Variants in ENTPD4 observed in about 807,000 individuals in gnomAD.
The protein encoded by ENTPD4 is ectonucleoside triphosphate diphosphohydrolase 4.
In ENTPD4, 60 loss-of-function variants were observed where a neutral mutation model predicts 79.1. The observed-to-expected ratio is 0.76, with a 90% CI of 0.62 to 0.94. The LOEUF is 0.94. Among genes scored for constraint, ENTPD4 ranks in the 40% least tolerant of loss-of-function variants. ENTPD4 has a pLI of 0.00. For missense variants in ENTPD4, 772 were observed against 775.1 expected, an observed-to-expected ratio of 1.00 and a Z score of 0.05; for synonymous variants, 276 against 292.0, an observed-to-expected ratio of 0.95 and a Z score of 0.56.
rs758870170 is a variant in ENTPD4, at chr8:23,448,854, G to A, written c.94C>T (p.Arg32Cys). Residue 32 changes from arginine (R) to cysteine (C), a missense_variant, in exon 3 of 13, where the codon CGC becomes TGC. By Grantham distance (180) the Arg-to-Cys change is radical (BLOSUM62 -3). Transcript: ENST00000358689. ...AGGACACTAATGACCATAATTTGGCGTAAATTGGTATTCAGAATTCGAGGA... is the reference window on the plus strand; with the variant it reads ...AGGACACTAATGACCATAATTTGGCATAAATTGGTATTCAGAATTCGAGGA... ...GCPRILNTNL[R>C]QIMVISVLAA... The A allele has an allele frequency of 3.2e-5, 52 of 1,613,848 alleles. No individual in the cohort carries two copies. Among genetic ancestry groups the A allele is most frequent in the South Asian group, 4.4e-5 (4 of 91,072 alleles).
chr8:23,430,743 C>G lies in ENTPD4; in HGVS notation c.*2183G>C. 1.0e-6 allele frequency: 1 copy of G among 985,538 alleles called. No homozygotes were observed. The highest frequency in any genetic ancestry group is 1.2e-6 in the Non-Finnish European group (1 of 830,064). The allele number at this position is 985,538 out of a possible 1,614,324, so 61.0% of individuals were successfully genotyped here. Reference sequence around the variant, plus strand: ...CGGGGTCCCCTAACTCCCTGGGTGCCCACCTGCCCACTTCAACCATTTGTG... The same window carrying G: ...CGGGGTCCCCTAACTCCCTGGGTGCGCACCTGCCCACTTCAACCATTTGTG... On this transcript the variant is annotated 3_prime_UTR_variant, in exon 13 of 13. Coordinates refer to ENST00000358689, the MANE Select transcript of ENTPD4 (RefSeq NM_004901.5).
At chr8:23,452,027 T>C (rs1800871110) in intron 1 of ENTPD4, among the ~76,000 whole-genome samples, 1 of 152,210 alleles carries the variant, frequency 6.6e-6, no homozygotes, top group Non-Finnish European at 1.5e-5. Context: ...ACAAGACAGA[T>C]ACTATTATCA....
At chr8:23,441,095 G>T (rs937729162) in intron 8 of ENTPD4, among the ~76,000 whole-genome samples, 5 of 152,200 alleles carry the variant, frequency 3.3e-5, no homozygotes, top group Non-Finnish European at 7.3e-5. Flanking sequence ...AACTGAGAGG[G>T]CACAGAACAG....
chr8:23,430,189 C>A lies in ENTPD4; in HGVS notation c.*2737G>T, dbSNP rs544962980. 2.0e-6 allele frequency: 2 copies of A among 985,458 alleles called. No individual in the cohort carries two copies. The highest frequency in any genetic ancestry group is 6.1e-5 in the Admixed American group (1 of 16,286). 61.0% of individuals were successfully genotyped at this position (985,458 alleles called of 1,614,324 possible). A position where few individuals can be genotyped will look rare whatever the true frequency, so the allele number is the denominator to read the frequency against. ...AAGCACCTGGCTGTCTTCACCTACG[C>A]GAGACCTTCTCTGGAATGTGATTTG... On this transcript the variant is annotated 3_prime_UTR_variant, in exon 13 of 13. Transcript: ENST00000358689.
intron 9 of ENTPD4, among the ~76,000 whole-genome samples, chr8:23,437,750 T>A (rs1800597557): frequency 6.6e-6 from 1 of 152,234 alleles, no homozygotes; most frequent in Non-Finnish European, 1.5e-5. Flanking sequence ...AGCAAACATC[T>A]AGAAGGATTT....
chr8:23,441,296 G>A (rs1800664090), intron 8 of ENTPD4: 4 of 362,362 alleles, frequency 1.1e-5, no homozygotes, highest in African/African-American at 2.2e-5. Flanking sequence ...TGATTGAAGA[G>A]AAAATATAAA....
At chr8:23,440,123 T>G in intron 8 of ENTPD4, 1 of 503,030 alleles carries the variant, frequency 2.0e-6, no homozygotes, top group East Asian at 3.2e-5. Context: ...GATACTGTTA[T>G]GACTTTTTGA....
At position 23,431,905 on chromosome 8, in the gene ENTPD4, G is replaced by T; in HGVS notation, c.*1021C>A. ...GCGTAATTACCTGCGGTCAGGAAAA[G>T]ATAACAGTAACGAGGATTTTTCTAA... On this transcript the variant is annotated 3_prime_UTR_variant, in exon 13 of 13. Transcript: ENST00000358689. 1 of 985,414 alleles carries T rather than the reference G, an allele frequency of 1.0e-6. No homozygotes were observed. The highest frequency in any genetic ancestry group is 1.2e-6 in the Non-Finnish European group (1 of 829,922). 61.0% of individuals were successfully genotyped at this position (985,414 alleles called of 1,614,324 possible).
chr8:23,439,725 G>C lies in ENTPD4; in HGVS notation c.1049+24C>G, dbSNP rs1800633791. The C allele has an allele frequency of 5.6e-6, 9 of 1,611,330 alleles. No homozygotes were observed. The East Asian group carries it at 1.8e-4, about 32-fold the overall frequency. ...GAGAGACCTAGGTTTGCAAATGACTGCCAAGTAGTGAAAGGTGCTTTACCT... is the reference window on the plus strand; with the variant it reads ...GAGAGACCTAGGTTTGCAAATGACTCCCAAGTAGTGAAAGGTGCTTTACCT... On this transcript the variant is annotated intron_variant, in intron 9 of 12. Transcript: ENST00000358689.
At chr8:23,437,387 C>T in intron 9 of ENTPD4, 129 bp from the exon 10 acceptor site, 3 of 654,568 alleles carry the variant, frequency 4.6e-6, no homozygotes, top group Non-Finnish European at 7.7e-6. Context: ...GTCTGTGGAA[C>T]AGAAAAGGGT....
chr8:23,449,052 G>A, intron 2 of ENTPD4, 113 bp from the exon 3 acceptor site: 1 of 764,244 alleles, frequency 1.3e-6, no homozygotes, highest in South Asian at 1.7e-5. Context: ...TTCCCTAACT[G>A]TAGGTATCTG....
intron 10 of ENTPD4, 54 bp from the exon 11 acceptor site, chr8:23,435,531 A>C: frequency 4.4e-6 from 6 of 1,356,220 alleles, no homozygotes; most frequent in Non-Finnish European, 6.3e-6. Context: ...TAAAATTCTC[A>C]CTTTAAAAAT....
At chr8:23,439,684 G>T in intron 9 of ENTPD4, 65 bp downstream of exon 9, 1 of 1,490,000 alleles carries the variant, frequency 6.7e-7, no homozygotes, top group Non-Finnish European at 9.3e-7. Context: ...CTTTGCCTGG[G>T]TCTGTTTTTT....
intron 12 of ENTPD4, among the ~76,000 whole-genome samples, chr8:23,433,757 AG>A (rs1361687180): frequency 6.6e-6 from 1 of 152,224 alleles, no homozygotes; most frequent in African/African-American, 2.4e-5. Context: ...CGAAAATCAC[AG>A]ATCTTTCATG....
At position 23,432,160 on chromosome 8, in the gene ENTPD4, C is replaced by G; in HGVS notation, c.*766G>C. The G allele has an allele frequency of 2.0e-6, 2 of 982,192 alleles. No homozygotes were observed. Among genetic ancestry groups the G allele is most frequent in the Non-Finnish European group, 2.4e-6 (2 of 828,290 alleles). 60.8% of individuals were successfully genotyped at this position (982,192 alleles called of 1,614,324 possible). A position where few individuals can be genotyped will look rare whatever the true frequency, so the allele number is the denominator to read the frequency against. ...AAACATATACAGTAACAGACCTGAA[C>G]AATAAATAAAAAAAAAAATCACCCT... On this transcript the variant is annotated 3_prime_UTR_variant, in exon 13 of 13. Transcript: ENST00000358689.
At chr8:23,435,358 A>C (rs1452844789) in intron 11 of ENTPD4, 34 bp downstream of exon 11, 1 of 1,508,332 alleles carries the variant, frequency 6.6e-7, no homozygotes. Flanking sequence ...TATGGTTCTT[A>C]AGAGTGCCCT....
Position 23,430,858 on chromosome 8 carries a change from C to G in ENTPD4, c.*2068G>C. The G allele has an allele frequency of 3.0e-6, 3 of 985,566 alleles. No individual in the cohort carries two copies. Among genetic ancestry groups the G allele is most frequent in the Non-Finnish European group, 3.6e-6 (3 of 830,028 alleles). 61.1% of individuals were successfully genotyped at this position (985,566 alleles called of 1,614,324 possible). On this transcript the variant is annotated 3_prime_UTR_variant, in exon 13 of 13. Coordinates refer to ENST00000358689, the MANE Select transcript of ENTPD4 (RefSeq NM_004901.5). ...CAGCCTCCACCAATAATCCATGGCTCCTCCAGGAAGTGTCGCAGGCAGGTG... is the reference window on the plus strand; with the variant it reads ...CAGCCTCCACCAATAATCCATGGCTGCTCCAGGAAGTGTCGCAGGCAGGTG...
intron 10 of ENTPD4, 135 bp from the exon 11 acceptor site, chr8:23,435,612 A>G (rs1399562648): frequency 3.0e-6 from 2 of 660,464 alleles, no homozygotes; most frequent in African/African-American, 3.6e-5. Flanking sequence ...AACTTATACA[A>G]CAAATGGCAA....
Position 23,435,382 on chromosome 8 carries a change from T to A in ENTPD4, c.1460+10A>T. ...TAAGAGTGCCCTGGGCTTGACCTTC[T>A]AGTACTTACTTAAGCCTGTGGAGGT... On this transcript the variant is annotated intron_variant, in intron 11 of 12. Transcript: ENST00000358689. 1 of 1,606,850 alleles carries A rather than the reference T, an allele frequency of 6.2e-7. No individual in the cohort carries two copies. The highest frequency in any genetic ancestry group is 8.5e-7 in the Non-Finnish European group (1 of 1,173,802).
Sources: allele counts gnomAD v4.1 joint callset (sites outside exome capture counted in the v4.1 genomes callset), GRCh38; gene constraint gnomAD v4.1.1; transcripts MANE v1.5; gene names NCBI Gene and HGNC (gene_info 2026-07-23, HGNC 2026-07-21).